Variants in TCAF1 observed in about 807,000 individuals in gnomAD.
TCAF1 encodes TRPM8 channel-associated factor 1.
Under a neutral mutation model 27.3 loss-of-function variants are expected in TCAF1, and 4 were observed. The ratio of observed to expected loss-of-function variants is 0.15; its 90% CI spans 0.07 to 0.34. The LOEUF is 0.34. Among genes scored for constraint, TCAF1 ranks in the 10% least tolerant of loss-of-function variants. The probability of loss-of-function intolerance (pLI) is 1.00; values close to 1 mark genes in which losing one functional copy is unlikely to be tolerated. For synonymous variants in TCAF1, 105 were observed against 167.1 expected (o/e 0.63, Z 2.87); for missense variants, 257 against 425.8 (o/e 0.60, Z 3.49).
chr7:143,859,939 T>TAA (rs1410913407), intron 6 of TCAF1, among the ~76,000 whole-genome samples: 2 of 82,326 alleles, frequency 2.4e-5, no homozygotes, highest in East Asian at 4.0e-4. Flanking sequence ...ATAATATATA[T>TAA]TATATAATAT....
intron 1 of TCAF1, among the ~76,000 whole-genome samples, chr7:143,899,160 A>G (rs575397039): frequency 6.6e-6 from 1 of 152,328 alleles, no homozygotes; most frequent in Non-Finnish European, 1.5e-5. Context: ...CAGAATTCCA[A>G]CAGGTTTATT....
chr7:143,887,847 G>C (rs1813482190), intron 1 of TCAF1, among the ~76,000 whole-genome samples: 1 of 152,174 alleles, frequency 6.6e-6, no homozygotes, highest in Admixed American at 6.5e-5. Flanking sequence ...AGAAACAAGA[G>C]AGTACATACT....
intron 1 of TCAF1, among the ~76,000 whole-genome samples, chr7:143,899,477 T>A (rs1212159866): frequency 6.6e-6 from 1 of 152,140 alleles, no homozygotes; most frequent in African/African-American, 2.4e-5. Flanking sequence ...ATAAACAACA[T>A]AAAAATCAGT....
intron 2 of TCAF1, among the ~76,000 whole-genome samples, chr7:143,870,117 C>CT (rs1423380029): frequency 9.0e-6 from 1 of 111,620 alleles, no homozygotes; most frequent in East Asian, 3.0e-4. Context: ...GTTATCTCTC[C>CT]TATTTTCATA....
At chr7:143,891,631 T>C (rs1813641200) in intron 1 of TCAF1, among the ~76,000 whole-genome samples, 1 of 151,974 alleles carries the variant, frequency 6.6e-6, no homozygotes, top group Non-Finnish European at 1.5e-5. Context: ...AGAAAGAGTG[T>C]AACAGGATTA....
chr7:143,899,998 GT>G (rs778108120), intron 1 of TCAF1, among the ~76,000 whole-genome samples: 2 of 152,222 alleles, frequency 1.3e-5, no homozygotes, highest in Non-Finnish European at 2.9e-5. Context: ...TGGCAAGCAT[GT>G]AGAGCAACAA....
chr7:143,876,239 C>T lies in TCAF1; in HGVS notation c.370G>A (p.Val124Ile), dbSNP rs1056343293. The change falls in exon 2 of 9, where the codon GTT (valine) becomes ATT (isoleucine). Residue 124 changes from valine to isoleucine, a missense_variant. Coordinates refer to ENST00000479870, the MANE Select transcript of TCAF1 (RefSeq NM_014719.3). ...VEPEVKDSLG[V>I]YCIDAYNETM... ...TCATTGTAGGCATCAATACAGTAAA[C>T]CCCCAGGGAGTCTTTCACTTCTGGC... 6.2e-6 allele frequency: 10 copies of T among 1,614,068 alleles called. No individual in the cohort carries two copies. The highest frequency in any genetic ancestry group is 2.2e-5 in the East Asian group (1 of 44,898).
chr7:143,894,398 T>C (rs13228908), intron 1 of TCAF1, among the ~76,000 whole-genome samples: 14,494 of 151,884 alleles, frequency 0.095, 805 homozygotes, highest in African/African-American at 0.14. Flanking sequence ...CAAAATCTCG[T>C]AAGTACATTA....
chr7:143,890,414 T>A (rs1813590860), intron 1 of TCAF1, among the ~76,000 whole-genome samples: 2 of 152,226 alleles, frequency 1.3e-5, no homozygotes, highest in Admixed American at 6.5e-5. Context: ...TTGAAGGGGC[T>A]TATGTTGAGG....
At chr7:143,894,160 A>G in intron 1 of TCAF1, among the ~76,000 whole-genome samples, 1 of 151,834 alleles carries the variant, frequency 6.6e-6, no homozygotes, top group East Asian at 1.9e-4. Context: ...TTTATCCAAA[A>G]CAGCAAGAAG....
chr7:143,882,895 C>T (rs1813153211), intron 1 of TCAF1: 1 of 983,032 alleles, frequency 1.0e-6, no homozygotes, highest in Non-Finnish European at 1.2e-6. Context: ...GGAGGGGTTT[C>T]CACGGGAGTC....
In TCAF1 at chr7:143,851,427, G is replaced by A. The variant is rs1256681416; in HGVS notation, c.*2706C>T. The A allele has an allele frequency of 6.6e-6, 1 of 152,258 alleles. No homozygotes were observed. The highest frequency in any genetic ancestry group is 2.4e-5 in the African/African-American group (1 of 41,448). 9.4% of individuals were successfully genotyped at this position (152,258 alleles called of 1,614,324 possible). On this transcript the variant is annotated 3_prime_UTR_variant, in exon 9 of 9. Transcript: ENST00000479870. The stretch of plus-strand genomic sequence containing the variant: ...TTTTTTCAAAGTAATACATGCACAA[G>A]GTAAAAAATTAAATAGTACAGAAGG...
At chr7:143,874,969 A>G (rs1221449046) in intron 2 of TCAF1, among the ~76,000 whole-genome samples, 2 of 152,322 alleles carry the variant, frequency 1.3e-5, no homozygotes. Flanking sequence ...CAGAAGCCCA[A>G]TATTTGGGCT....
At chr7:143,882,859 G>C (rs1383467312) in intron 1 of TCAF1, 1 of 985,634 alleles carries the variant, frequency 1.0e-6, no homozygotes, top group East Asian at 1.1e-4. Context: ...ATTTGGGAGC[G>C]GGGAGGAGGC....
At chr7:143,881,698 C>T (rs1813034777) in intron 1 of TCAF1, among the ~76,000 whole-genome samples, 1 of 152,104 alleles carries the variant, frequency 6.6e-6, no homozygotes, top group African/African-American at 2.4e-5. Context: ...GTGATCCTCC[C>T]CATTCAGCCC....
chr7:143,885,482 G>A, intron 1 of TCAF1: 1 of 985,390 alleles, frequency 1.0e-6, no homozygotes, highest in South Asian at 4.7e-5. Flanking sequence ...ACCCCAAGAT[G>A]CCGCCCCAGA....
At chr7:143,899,440 G>T (rs1025261944) in intron 1 of TCAF1, among the ~76,000 whole-genome samples, 3 of 152,220 alleles carry the variant, frequency 2.0e-5, no homozygotes, top group Non-Finnish European at 2.9e-5. Flanking sequence ...AATCACTGGT[G>T]CTGGGGCAAC....
At chr7:143,886,866 A>ATTTTTT (rs56317170) in intron 1 of TCAF1, among the ~76,000 whole-genome samples, 1 of 114,922 alleles carries the variant, frequency 8.7e-6, no homozygotes, top group Non-Finnish European at 1.8e-5. Context: ...GAGTTTTTGT[A>ATTTTTT]TTTTTTTTTT....
chr7:143,875,206 A>G (rs1812624870), intron 2 of TCAF1, among the ~76,000 whole-genome samples: 1 of 152,210 alleles, frequency 6.6e-6, no homozygotes, highest in Admixed American at 6.5e-5. Context: ...GAGTTTTAAT[A>G]TACAACATAG....
Sources: allele counts gnomAD v4.1 joint callset (sites outside exome capture counted in the v4.1 genomes callset), GRCh38; gene constraint gnomAD v4.1.1; transcripts MANE v1.5; gene names NCBI Gene and HGNC (gene_info 2026-07-23, HGNC 2026-07-21).